Variants in CCNB1IP1 observed in about 807,000 individuals in gnomAD.
CCNB1IP1 encodes the protein cyclin B1 interacting protein 1.
CCNB1IP1 carries 14 observed loss-of-function variants against 25.6 expected under a neutral mutation model. The ratio of observed to expected loss-of-function variants is 0.55; its 90% CI spans 0.36 to 0.85. The LOEUF (loss-of-function observed/expected upper bound fraction) is 0.85, where lower values mean the gene tolerates loss of function less well. Ranked by LOEUF, CCNB1IP1 falls within the 40% of genes least tolerant of loss-of-function variation. The pLI, the probability that CCNB1IP1 is intolerant of heterozygous loss-of-function variation, is 0.01. For synonymous variants in CCNB1IP1, 119 were observed against 116.1 expected (o/e 1.02, Z -0.16); for missense variants, 278 against 342.4 (o/e 0.81, Z 1.48).
At chr14:20,315,976 G>A in intron 5 of CCNB1IP1, 2 of 485,816 alleles carry the variant, frequency 4.1e-6, no homozygotes, top group Non-Finnish European at 7.4e-6. Flanking sequence ...GAGAGAGAGT[G>A]TGTGAGTGTG....
At chr14:20,324,917 T>C (rs1883020144) in intron 4 of CCNB1IP1, among the ~76,000 whole-genome samples, 1 of 151,866 alleles carries the variant, frequency 6.6e-6, no homozygotes, top group African/African-American at 2.4e-5. Context: ...ACCTCCTGGG[T>C]TCAAGCCTCA....
Position 20,316,519 on chromosome 14 carries a change from G to A in CCNB1IP1, c.5C>T (p.Ser2Phe). The A allele has an allele frequency of 6.2e-7, 1 of 1,604,116 alleles. No individual in the cohort carries two copies. Among genetic ancestry groups the A allele is most frequent in the Non-Finnish European group, 8.5e-7 (1 of 1,178,428 alleles). ...ACAAAGCAGCATGTCTTCACACAAA[G>A]ACATAATAGGATAGTGAGGTCTCCA... M[S>F]LCEDMLLCNY... Residue 2 changes from serine to phenylalanine, a missense_variant, in exon 5 of 7, where the codon TCT becomes TTT. By Grantham distance (155) the Ser-to-Phe change is radical. Coordinates refer to ENST00000358932, the MANE Select transcript of CCNB1IP1 (RefSeq NM_021178.5).
At chr14:20,313,876 A>G in intron 5 of CCNB1IP1, 75 bp from the exon 6 acceptor site, 2 of 1,105,720 alleles carry the variant, frequency 1.8e-6, no homozygotes, top group Non-Finnish European at 2.5e-6. Flanking sequence ...TACAAACACA[A>G]AAGGAAAAGA....
At chr14:20,315,830 A>G in intron 5 of CCNB1IP1, 1 of 1,107,644 alleles carries the variant, frequency 9.0e-7, no homozygotes, top group Non-Finnish European at 1.2e-6. Flanking sequence ...AATGGCTTGA[A>G]CCCAGGAGTT....
intron 4 of CCNB1IP1, among the ~76,000 whole-genome samples, chr14:20,324,170 G>A (rs6575164): frequency 0.62 from 94,383 of 152,036 alleles, 31,830 homozygotes; most frequent in African/African-American, 0.9. Context: ...AAAGATATAT[G>A]AGCAATAAAA....
intron 6 of CCNB1IP1, 21 bp downstream of exon 6, chr14:20,313,446 CT>C (rs760933819): frequency 6.5e-7 from 1 of 1,532,472 alleles, no homozygotes. Context: ...AGAACAGACA[CT>C]TGATACATGT....
chr14:20,311,444 G>A lies in CCNB1IP1; in HGVS notation c.*106C>T, dbSNP rs190352466. ...CTGTTGCCCAGGCTGGAGTGCAGTG[G>A]CATGATCTTAGATCACTAAAGCCTC... is the stretch of plus-strand genomic sequence containing the variant. On this transcript the variant is annotated 3_prime_UTR_variant, in exon 7 of 7. Transcript: ENST00000358932. 95 of 897,874 alleles carry A rather than the reference G, an allele frequency of 1.1e-4. 1 individual carries two copies. In the Admixed American group the frequency reaches 1.8e-3, roughly 17 times the overall value. 55.6% of individuals were successfully genotyped at this position (897,874 alleles called of 1,614,324 possible).
intron 4 of CCNB1IP1, among the ~76,000 whole-genome samples, chr14:20,321,827 C>T (rs765122002): frequency 1.1e-4 from 16 of 152,128 alleles, no homozygotes; most frequent in Non-Finnish European, 2.2e-4. Context: ...GGTATAAGCA[C>T]GAGTATTAAA....
At chr14:20,332,485 T>G (rs149421672) in intron 1 of CCNB1IP1, among the ~76,000 whole-genome samples, 1 of 152,340 alleles carries the variant, frequency 6.6e-6, no homozygotes, top group East Asian at 1.9e-4. Flanking sequence ...TAACATTTAT[T>G]ACACACCAAC....
intron 5 of CCNB1IP1, among the ~76,000 whole-genome samples, chr14:20,315,066 GGAC>G (rs1882636253): frequency 8.3e-6 from 1 of 119,980 alleles, no homozygotes; most frequent in Non-Finnish European, 1.6e-5. Context: ...ACTCCAGCCT[GGAC>G]AACAAAGCGA....
At chr14:20,318,466 T>G (rs1438867472) in intron 4 of CCNB1IP1, 1 of 131,076 alleles carries the variant, frequency 7.6e-6, no homozygotes, top group Non-Finnish European at 1.6e-5. Context: ...AGAGCGACCC[T>G]CCGTCTTTAA....
chr14:20,312,468 A>T (rs906057031), intron 6 of CCNB1IP1, among the ~76,000 whole-genome samples: 9 of 151,624 alleles, frequency 5.9e-5, no homozygotes, highest in African/African-American at 2.2e-4. Flanking sequence ...CTCCCACCTC[A>T]ATCTCCCAAA....
At chr14:20,323,655 G>T (rs531269916) in intron 4 of CCNB1IP1, among the ~76,000 whole-genome samples, 4 of 152,076 alleles carry the variant, frequency 2.6e-5, no homozygotes, top group Non-Finnish European at 5.9e-5. Flanking sequence ...GAGGCCGGGC[G>T]TGGTGGCTCA....
rs187883050 is a variant in CCNB1IP1, at chr14:20,321,898, C to T, written c.-38+3641G>A. The stretch of plus-strand genomic sequence containing the variant: ...CAATATTTGGATTTTTATTTTGTAC[C>T]CCTTGCATGTTAAATATACCATCAT... On this transcript the variant is annotated intron_variant, in intron 4 of 6. Coordinates refer to ENST00000358932, the MANE Select transcript of CCNB1IP1 (RefSeq NM_021178.5). 2.5e-3 allele frequency among the ~76,000 whole-genome samples: 387 copies of T among 152,068 alleles called. 1 individual carries two copies. Among genetic ancestry groups the T allele is most frequent in the Non-Finnish European group, 4.3e-3 (295 of 67,988 alleles).
chr14:20,327,900 A>AT (rs1325102071), intron 2 of CCNB1IP1, among the ~76,000 whole-genome samples: 1 of 152,224 alleles, frequency 6.6e-6, no homozygotes, highest in Non-Finnish European at 1.5e-5. Flanking sequence ...TGCATGTCCA[A>AT]TAAGTAACCA....
chr14:20,319,733 C>T (rs1882832745), intron 4 of CCNB1IP1, among the ~76,000 whole-genome samples: 1 of 152,146 alleles, frequency 6.6e-6, no homozygotes, highest in Non-Finnish European at 1.5e-5. Flanking sequence ...CTCCTTGAGT[C>T]CACGTGCCAA....
intron 4 of CCNB1IP1, 98 bp from the exon 5 acceptor site, chr14:20,316,658 G>A: frequency 1.6e-6 from 1 of 621,776 alleles, no homozygotes; most frequent in Middle Eastern, 4.0e-4. Flanking sequence ...ATAAAATACT[G>A]CACATTTTAT....
At position 20,316,207 on chromosome 14, in the gene CCNB1IP1, A is replaced by C. The variant is rs1882688139; in HGVS notation, c.297+20T>G. On this transcript the variant is annotated intron_variant, in intron 5 of 6. Coordinates refer to ENST00000358932, the MANE Select transcript of CCNB1IP1 (RefSeq NM_021178.5). ...ATGCCATAAATCACATGCTCAAGAG[A>C]AACTAGACTAAGCACTAACCTGATA... 3 of 1,598,064 alleles carry C rather than the reference A, an allele frequency of 1.9e-6. No individual in the cohort carries two copies. Among genetic ancestry groups the C allele is most frequent in the Non-Finnish European group, 2.6e-6 (3 of 1,167,976 alleles).
chr14:20,315,740 T>G (rs1184216432), intron 5 of CCNB1IP1: 1 of 1,216,774 alleles, frequency 8.2e-7, no homozygotes, highest in Non-Finnish European at 1.1e-6. Flanking sequence ...AATATGATTA[T>G]AGAATAGTTA....
Sources: allele counts gnomAD v4.1 joint callset (sites outside exome capture counted in the v4.1 genomes callset), GRCh38; gene constraint gnomAD v4.1.1; transcripts MANE v1.5; gene names NCBI Gene and HGNC (gene_info 2026-07-23, HGNC 2026-07-21).